KLHL7: variants seen among roughly 807,000 people sequenced by gnomAD.
KLHL7 encodes kelch like family member 7, also known as kelch-like protein 7.
Under a neutral mutation model 67.4 loss-of-function variants are expected in KLHL7, and 44 were observed. The ratio of observed to expected loss-of-function variants is 0.65; its 90% confidence interval spans 0.51 to 0.84. The LOEUF (loss-of-function observed/expected upper bound fraction) is 0.84. KLHL7 is among the 40% of genes least tolerant of loss of function. The pLI is 0.00. For synonymous variants in KLHL7, 252 were observed against 243.3 expected, an observed-to-expected ratio of 1.04 and a Z score of -0.33; for missense variants, 362 against 718.1, an observed-to-expected ratio of 0.50 and a Z score of 5.67.
chr7:23,105,787 G>A lies in KLHL7; in HGVS notation c.-240G>A. On this transcript the variant is annotated 5_prime_UTR_variant, in exon 1 of 11. Coordinates refer to ENST00000339077, the MANE Select transcript of KLHL7 (RefSeq NM_001031710.3). ...GCGCAGGCTCCTGGGCAGGGCTCGG[G>A]TTCTGCCCGGGGACGCAGCCCAGTT... 1.8e-6 allele frequency: 1 copy of A among 553,252 alleles called. No homozygotes were observed. Among genetic ancestry groups the A allele is most frequent in the Non-Finnish European group, 3.2e-6 (1 of 311,620 alleles). The allele number at this position is 553,252 out of a possible 1,614,324, so 34.3% of individuals were successfully genotyped here.
intron 4 of KLHL7, among the ~76,000 whole-genome samples, chr7:23,140,160 T>C (rs974161219): frequency 6.6e-6 from 1 of 152,242 alleles, no homozygotes; most frequent in Admixed American, 6.5e-5. Context: ...TTTTGTAAAG[T>C]AGAATGTGAT....
intron 2 of KLHL7, among the ~76,000 whole-genome samples, chr7:23,124,450 T>C (rs1783487566): frequency 6.6e-6 from 1 of 152,186 alleles, no homozygotes; most frequent in African/African-American, 2.4e-5. Flanking sequence ...TTTCTGTTAA[T>C]ATGGTCTTAA....
chr7:23,165,491 T>G (rs1175153774), intron 7 of KLHL7, among the ~76,000 whole-genome samples: 1 of 152,242 alleles, frequency 6.6e-6, no homozygotes, highest in African/African-American at 2.4e-5. Flanking sequence ...AGCAGTCATG[T>G]GCCTGCCTTT....
chr7:23,121,989 C>G (rs1249787541), intron 1 of KLHL7, among the ~76,000 whole-genome samples: 1 of 152,104 alleles, frequency 6.6e-6, no homozygotes, highest in East Asian at 1.9e-4. Context: ...GCAGTCCCAT[C>G]TCTTATTGGA....
Position 23,123,791 on chromosome 7 carries a change from C to T in KLHL7, c.135C>T (p.Asp45=), listed in dbSNP as rs886891700. ...NNMRKQKTLC[D]VILMVQERKI... ...CCTTTGATTAGAAAACGTTGTGTGA[C>T]GTGATCCTCATGGTCCAGGAAAGAA... is the stretch of plus-strand genomic sequence containing the variant. The change falls in exon 2 of 11, where the codon GAC becomes GAT. Residue 45 remains aspartate, a synonymous_variant. Transcript: ENST00000339077. 3.5e-5 allele frequency: 56 copies of T among 1,612,290 alleles called. No homozygotes were observed. Among genetic ancestry groups the T allele is most frequent in the Middle Eastern group, 1.7e-4 (1 of 5,946 alleles).
rs767341299 is a variant in KLHL7 at position 23,140,609 on chromosome 7, A to G, written c.443-160A>G. 9 of 725,514 alleles carry G rather than the reference A, an allele frequency of 1.2e-5. No individual in the cohort carries two copies. In the Admixed American group the frequency reaches 1.4e-4, roughly 11 times the overall value. 44.9% of individuals were successfully genotyped at this position (725,514 alleles called of 1,614,324 possible). ...AAAAACCAGTCTTTTATAAGACAGT[A>G]TAGTATTGGCACAAGAATAGACAAA... On this transcript the variant is annotated intron_variant, in intron 4 of 10. Transcript: ENST00000339077.
chr7:23,131,414 A>G (rs946624994), intron 4 of KLHL7, among the ~76,000 whole-genome samples: 3 of 152,202 alleles, frequency 2.0e-5, no homozygotes, highest in African/African-American at 7.2e-5. Flanking sequence ...GATCTTTGAA[A>G]ATGAATCAAG....
intron 6 of KLHL7, among the ~76,000 whole-genome samples, chr7:23,148,940 T>C (rs972201787): frequency 2.0e-5 from 3 of 152,238 alleles, no homozygotes; most frequent in African/African-American, 7.2e-5. Context: ...TTCCAAGCTT[T>C]GGGGCCTGGG....
intron 6 of KLHL7, among the ~76,000 whole-genome samples, chr7:23,149,432 C>T (rs1784463735): frequency 6.6e-6 from 1 of 152,158 alleles, no homozygotes. Context: ...TCTCTCCTTC[C>T]CTCCTACCTT....
intron 1 of KLHL7, among the ~76,000 whole-genome samples, chr7:23,115,592 G>A (rs1188787057): frequency 6.6e-6 from 1 of 151,560 alleles, no homozygotes; most frequent in Non-Finnish European, 1.5e-5. Context: ...CGTCCAGGCT[G>A]GAGTGCAGTG....
intron 1 of KLHL7, among the ~76,000 whole-genome samples, chr7:23,123,141 C>T (rs139399409): frequency 1.4e-4 from 22 of 152,182 alleles, no homozygotes; most frequent in African/African-American, 4.8e-4. Flanking sequence ...ACTATTTTGA[C>T]GTTGGTCAGA....
intron 9 of KLHL7, chr7:23,172,101 T>C: frequency 2.2e-6 from 1 of 454,724 alleles, no homozygotes; most frequent in South Asian, 1.6e-5. Flanking sequence ...TCCTTACTGT[T>C]GTTTGGCGTC....
chr7:23,106,847 CT>C (rs112396697), intron 1 of KLHL7: 151,123 of 711,996 alleles, frequency 0.21, 2 homozygotes, highest in Non-Finnish European at 0.23. Flanking sequence ...AACAAAGAGG[CT>C]TTTTTTTTTT....
In KLHL7 at chr7:23,172,946, A is replaced by G; in HGVS notation, c.1380-2A>G. The G allele has an allele frequency of 6.2e-7, 1 of 1,611,514 alleles. No individual in the cohort carries two copies. Among genetic ancestry groups the G allele is most frequent in the Non-Finnish European group, 8.5e-7 (1 of 1,177,686 alleles). On this transcript the variant is annotated splice_acceptor_variant, in intron 9 of 10. Transcript: ENST00000339077. LOFTEE classifies it high-confidence loss of function. The stretch of plus-strand genomic sequence containing the variant: ...GCACACTAAAAACTTTAATTTTTTC[A>G]GATGGACTGAGCTGTGTCCAATGAT...
At chr7:23,133,998 T>G (rs572151596) in intron 4 of KLHL7, among the ~76,000 whole-genome samples, 1 of 152,314 alleles carries the variant, frequency 6.6e-6, no homozygotes, top group South Asian at 2.1e-4. Flanking sequence ...TGAGTAACAG[T>G]GGTGAAAGTG....
At chr7:23,122,590 A>T (rs1783397341) in intron 1 of KLHL7, among the ~76,000 whole-genome samples, 1 of 152,242 alleles carries the variant, frequency 6.6e-6, no homozygotes, top group Non-Finnish European at 1.5e-5. Context: ...ATAAGTTTTA[A>T]GCAATAGTCA....
chr7:23,138,461 T>TAAAAA (rs60497553), intron 4 of KLHL7, among the ~76,000 whole-genome samples: 1 of 63,234 alleles, frequency 1.6e-5, no homozygotes, highest in Non-Finnish European at 3.0e-5. Flanking sequence ...GACTCCATCT[T>TAAAAA]AAAAAAAAAA....
At chr7:23,142,328 A>C (rs1052946162) in intron 5 of KLHL7, among the ~76,000 whole-genome samples, 2 of 152,200 alleles carry the variant, frequency 1.3e-5, no homozygotes, top group African/African-American at 4.8e-5. Context: ...CTATAAGATC[A>C]TATGTTTTAA....
intron 4 of KLHL7, among the ~76,000 whole-genome samples, chr7:23,131,441 T>C (rs1432207423): frequency 3.3e-5 from 5 of 152,254 alleles, no homozygotes; most frequent in African/African-American, 7.2e-5. Context: ...AAGAGGATTA[T>C]AGTAGATATT....
Sources: allele counts gnomAD v4.1 joint callset (sites outside exome capture counted in the v4.1 genomes callset), GRCh38; gene constraint gnomAD v4.1.1; transcripts MANE v1.5; gene names NCBI Gene and HGNC (gene_info 2026-07-23, HGNC 2026-07-21).